The following BMAL1 variants were observed in gnomAD, a reference collection of about 807,000 sequenced individuals.
BMAL1 encodes basic helix-loop-helix ARNT-like protein 1.
At chr11:13,316,114 C>T in the BMAL1 span, among the ~76,000 whole-genome samples, 1 of 152,206 alleles carries the variant, frequency 6.6e-6, no homozygotes, top group South Asian at 2.1e-4. Context: ...GCAGAGCCAG[C>T]TGCCCTTCTC....
At chr11:13,289,714 A>G in the BMAL1 span, among the ~76,000 whole-genome samples, 7 of 152,276 alleles carry the variant, frequency 4.6e-5, no homozygotes, top group East Asian at 9.6e-4. Context: ...ACATGAACTC[A>G]TCCTTTTTTA....
the BMAL1 span, among the ~76,000 whole-genome samples, chr11:13,383,717 G>A: frequency 6.0e-5 from 9 of 151,108 alleles, no homozygotes; most frequent in African/African-American, 1.7e-4. Flanking sequence ...TCCAGGTGTG[G>A]TGGTGTACCT....
At chr11:13,376,907 C>G in the BMAL1 span, 4 of 601,330 alleles carry the variant, frequency 6.7e-6, no homozygotes, top group Non-Finnish European at 8.6e-6. Flanking sequence ...GTCACTTTCT[C>G]TGTTGAGCCG....
At chr11:13,363,628 T>G in the BMAL1 span, among the ~76,000 whole-genome samples, 591 of 152,348 alleles carry the variant, frequency 3.9e-3, 4 homozygotes, top group African/African-American at 0.013. Flanking sequence ...TACTAAGTGC[T>G]TTCAAAATAT....
the BMAL1 span, among the ~76,000 whole-genome samples, chr11:13,320,130 C>A: frequency 6.6e-6 from 1 of 152,232 alleles, no homozygotes; most frequent in Admixed American, 6.5e-5. Flanking sequence ...GGGGCCTTAA[C>A]TGATCACAGG....
chr11:13,318,047 T>C, the BMAL1 span, among the ~76,000 whole-genome samples: 2 of 152,254 alleles, frequency 1.3e-5, no homozygotes, highest in African/African-American at 4.8e-5. Context: ...CCCGTCTTCC[T>C]TGTGGCAGTG....
chr11:13,320,969 G>A, the BMAL1 span, among the ~76,000 whole-genome samples: 1 of 152,132 alleles, frequency 6.6e-6, no homozygotes, highest in East Asian at 1.9e-4. Context: ...ATAAATATAC[G>A]GCTGTATCCA....
At chr11:13,318,155 G>A in the BMAL1 span, among the ~76,000 whole-genome samples, 6 of 152,198 alleles carry the variant, frequency 3.9e-5, no homozygotes, top group African/African-American at 1.4e-4. Flanking sequence ...CTTGGCCCCT[G>A]TAGGAATAGA....
the BMAL1 span, among the ~76,000 whole-genome samples, chr11:13,316,044 C>T: frequency 6.6e-6 from 1 of 152,246 alleles, no homozygotes; most frequent in Non-Finnish European, 1.5e-5. Flanking sequence ...GCCCTTTTCT[C>T]TACCTTACAA....
At chr11:13,302,773 C>T in the BMAL1 span, among the ~76,000 whole-genome samples, 1 of 152,214 alleles carries the variant, frequency 6.6e-6, no homozygotes, top group Admixed American at 6.5e-5. Context: ...CTTGTCATCG[C>T]CCCTGCCCCC....
chr11:13,373,746 C>T, the BMAL1 span, among the ~76,000 whole-genome samples: 2 of 152,200 alleles, frequency 1.3e-5, no homozygotes, highest in Non-Finnish European at 2.9e-5. Context: ...TGAGCTCAGA[C>T]AATCTGCCCA....
At chr11:13,300,009 A>C in the BMAL1 span, among the ~76,000 whole-genome samples, 1 of 152,132 alleles carries the variant, frequency 6.6e-6, no homozygotes, top group African/African-American at 2.4e-5. Flanking sequence ...AAACATAGGG[A>C]AAGTTCCCTT....
chr11:13,284,206 ATATGTG>A, the BMAL1 span, among the ~76,000 whole-genome samples: 3 of 43,440 alleles, frequency 6.9e-5, no homozygotes, highest in Non-Finnish European at 9.3e-5. Context: ...GTGTATATAT[ATATGTG>A]TATATATATA....
the BMAL1 span, among the ~76,000 whole-genome samples, chr11:13,324,695 T>C: frequency 6.6e-6 from 1 of 152,238 alleles, no homozygotes; most frequent in African/African-American, 2.4e-5. Flanking sequence ...CCTGGTCTTA[T>C]CTATTGCATT....
At chr11:13,281,466 G>A in the BMAL1 span, among the ~76,000 whole-genome samples, 3 of 152,018 alleles carry the variant, frequency 2.0e-5, no homozygotes, top group Non-Finnish European at 4.4e-5. Flanking sequence ...TGAGTTCCTG[G>A]GGCCCATCTG....
the BMAL1 span, among the ~76,000 whole-genome samples, chr11:13,367,188 C>T: frequency 1.3e-5 from 2 of 152,076 alleles, no homozygotes; most frequent in Non-Finnish European, 2.9e-5. Flanking sequence ...AGTAAGAAAA[C>T]GTCAACTATA....
At chr11:13,284,128 G>GGA in the BMAL1 span, among the ~76,000 whole-genome samples, 1 of 58,848 alleles carries the variant, frequency 1.7e-5, no homozygotes, top group South Asian at 4.9e-4. Flanking sequence ...ATGTGTGTGT[G>GGA]TATATATATA....
the BMAL1 span, among the ~76,000 whole-genome samples, chr11:13,297,993 C>T: frequency 6.6e-6 from 1 of 152,210 alleles, no homozygotes; most frequent in East Asian, 1.9e-4. Flanking sequence ...TCAGAATCCT[C>T]TCCACAGTAG....
chr11:13,367,285 C>T, the BMAL1 span, among the ~76,000 whole-genome samples: 3 of 152,212 alleles, frequency 2.0e-5, no homozygotes, highest in Admixed American at 6.5e-5. Flanking sequence ...GAACCACCAT[C>T]CACATCGCTC....
Sources: allele counts gnomAD v4.1 joint callset (sites outside exome capture counted in the v4.1 genomes callset), GRCh38; gene constraint gnomAD v4.1.1; transcripts MANE v1.5; gene names NCBI Gene and HGNC (gene_info 2026-07-23, HGNC 2026-07-21).